The following TTLL3 variants were observed in gnomAD, a reference collection of about 807,000 sequenced individuals.
The protein encoded by TTLL3 is tubulin tyrosine ligase like 3.
In TTLL3, 63 loss-of-function variants were observed where a neutral mutation model predicts 75.2. The ratio of observed to expected loss-of-function variants is 0.84; its 90% CI spans 0.68 to 1.03. The LOEUF is 1.03. Ranked by LOEUF, TTLL3 falls within the 50% of genes least tolerant of loss-of-function variation. TTLL3 has a pLI of 0.00. For synonymous variants in TTLL3, 393 were observed against 418.5 expected, an observed-to-expected ratio of 0.94 and a Z score of 0.74; for missense variants, 997 against 1,069.9, an observed-to-expected ratio of 0.93 and a Z score of 0.95.
rs555793010 is a variant in TTLL3, at chr3:9,815,785, C to T, written c.316-289C>T. ...CACGCTGCCACCGCCTGGGGGCTGA[C>T]AAGCCTCATAGGACACCTTAAGCAG... is the stretch of plus-strand genomic sequence containing the variant. On this transcript the variant is annotated intron_variant, in intron 4 of 13. Transcript: ENST00000685419. Among the ~76,000 whole-genome samples the T allele has an allele frequency of 1.2e-4, 19 of 152,372 alleles. No homozygotes were observed. In the South Asian group the frequency reaches 3.9e-3, roughly 32 times the overall value.
chr3:9,815,032 G>A (rs1298438172), intron 4 of TTLL3, among the ~76,000 whole-genome samples: 2 of 151,994 alleles, frequency 1.3e-5, no homozygotes, highest in Admixed American at 1.3e-4. Context: ...GAGGTCAGGA[G>A]TTCGAGACCA....
intron 8 of TTLL3, among the ~76,000 whole-genome samples, chr3:9,822,756 TAATACATA>T (rs2080590461): frequency 2.1e-5 from 3 of 141,512 alleles, no homozygotes; most frequent in African/African-American, 7.8e-5. Context: ...ATAATATATA[TAATACATA>T]ATATATACAT....
rs767516147 is a variant in TTLL3, at chr3:9,818,850, C to T, written c.588C>T (p.Asn196=). The part of the protein sequence containing the change: ...IEDFWLTAAR[N]VLKLVVKSEW... ...ACTTCTGGCTGACTGCTGCCCGCAA[C>T]GTTCTCAAGCTGGTGGTGAAGTCTG... Residue 196 remains asparagine, a synonymous_variant, in exon 7 of 14, where the codon AAC becomes AAT. Coordinates refer to ENST00000685419, the MANE Select transcript of TTLL3 (RefSeq NM_001387446.1). 11 of 1,614,012 alleles carry T rather than the reference C, an allele frequency of 6.8e-6. No homozygotes were observed. Among genetic ancestry groups the T allele is most frequent in the South Asian group, 5.5e-5 (5 of 91,090 alleles).
At chr3:9,831,879 A>G (rs1348918672) in intron 11 of TTLL3, among the ~76,000 whole-genome samples, 5 of 148,172 alleles carry the variant, frequency 3.4e-5, no homozygotes, top group Admixed American at 2.7e-4. Context: ...GCTCACTGCA[A>G]CCTCCGCCTC....
In TTLL3 at chr3:9,835,294, A is replaced by C; in HGVS notation, c.2253A>C (p.Thr751=). 1 of 1,614,188 alleles carries C rather than the reference A, an allele frequency of 6.2e-7. No individual in the cohort carries two copies. The highest frequency in any genetic ancestry group is 8.5e-7 in the Non-Finnish European group (1 of 1,180,022). The change falls in exon 14 of 14, where the codon ACA becomes ACC. Residue 751 remains threonine (T), a synonymous_variant. Transcript: ENST00000685419. ...TGAAACCCCTGCCCCTTGTTGGTAC[A>C]TTCCAGAGGCGCAGGGGCCTGGGGG... ...SPLKPLPLVG[T]FQRRRGLGDM... is the part of the protein sequence containing the mutation.
intron 8 of TTLL3, among the ~76,000 whole-genome samples, chr3:9,825,012 A>C (rs561060343): frequency 6.6e-6 from 1 of 152,056 alleles, no homozygotes; most frequent in African/African-American, 2.4e-5. Context: ...AAGTGCTGGG[A>C]TTACAGGCAG....
chr3:9,815,567 AC>A (rs2079767244), intron 4 of TTLL3, among the ~76,000 whole-genome samples: 1 of 152,168 alleles, frequency 6.6e-6, no homozygotes, highest in Non-Finnish European at 1.5e-5. Flanking sequence ...GCTTGGAGTC[AC>A]TGTCCTGCCC....
Position 9,835,209 on chromosome 3 carries a change from C to T in TTLL3, c.2168C>T (p.Ser723Leu), listed in dbSNP as rs183827868. The T allele has an allele frequency of 1.2e-6, 2 of 1,614,106 alleles. No homozygotes were observed. The highest frequency in any genetic ancestry group is 2.7e-5 in the African/African-American group (2 of 74,934). The change falls in exon 14 of 14, where the codon TCA (serine) becomes TTA (leucine). Residue 723 changes from serine (S) to leucine (L), a missense_variant. By Grantham distance (145) the Ser-to-Leu change is moderately radical. Transcript: ENST00000685419. ...GGAAGGTCAAGGCCAAAGGCAAATT[C>T]AAGGCCAGACTGTGACAAACCCAGG... ...PVGRSRPKAN[S>L]RPDCDKPRAE...
chr3:9,830,081 G>A (rs2081381693), intron 11 of TTLL3, among the ~76,000 whole-genome samples: 1 of 152,158 alleles, frequency 6.6e-6, no homozygotes, highest in Admixed American at 6.5e-5. Flanking sequence ...GACCTCAGGT[G>A]ATCCGCCCAC....
chr3:9,835,701 G>A lies in TTLL3; in HGVS notation c.*212G>A, dbSNP rs1311764011. 4 of 527,510 alleles carry A rather than the reference G, an allele frequency of 7.6e-6. No individual in the cohort carries two copies. The Admixed American group carries it at 1.1e-4, about 15-fold the overall frequency. The allele number at this position is 527,510 out of a possible 1,614,324, so 32.7% of individuals were successfully genotyped here. On this transcript the variant is annotated 3_prime_UTR_variant, in exon 14 of 14. Coordinates refer to ENST00000685419, the MANE Select transcript of TTLL3 (RefSeq NM_001387446.1). Reference sequence around the variant, plus strand: ...GAGTCGACGCAGGGACATATTGCCAGAACTGCCGAGCACTGGGAGCCCCCC... The same window carrying A: ...GAGTCGACGCAGGGACATATTGCCAAAACTGCCGAGCACTGGGAGCCCCCC...
chr3:9,825,523 AG>A (rs1575397621), intron 8 of TTLL3: 3 of 498,400 alleles, frequency 6.0e-6, no homozygotes, highest in Non-Finnish European at 1.1e-5. Context: ...TGTAATAGGA[AG>A]GGGGTGGCAC....
chr3:9,834,813 A>T lies in TTLL3; in HGVS notation c.1958A>T (p.Lys653Met). 1 of 1,614,174 alleles carries T rather than the reference A, an allele frequency of 6.2e-7. No individual in the cohort carries two copies. Among genetic ancestry groups the T allele is most frequent in the East Asian group, 2.2e-5 (1 of 44,886 alleles). ...ACTAAGGCCCTGTCGACCACAGGCA[A>T]GGCCTTGAGGACTCTACCCACGGCT... ...VGTKALSTTG[K>M]ALRTLPTAKV... The change falls in exon 13 of 14, where the codon AAG (lysine) becomes ATG (methionine). Residue 653 changes from lysine to methionine, a missense_variant. Physicochemically the swap from Lys to Met is moderately conservative, Grantham distance 95. Transcript: ENST00000685419.
At chr3:9,829,889 C>T (rs889135499) in intron 11 of TTLL3, among the ~76,000 whole-genome samples, 1 of 152,170 alleles carries the variant, frequency 6.6e-6, no homozygotes, top group African/African-American at 2.4e-5. Context: ...GTTGCCCAGG[C>T]TGGAGTGCAG....
At chr3:9,834,965 T>C in intron 13 of TTLL3, 58 bp downstream of exon 13, 3 of 1,612,978 alleles carry the variant, frequency 1.9e-6, no homozygotes, top group Non-Finnish European at 2.5e-6. Flanking sequence ...GGGTCAGGGC[T>C]GGAGGGCACA....
rs2081976753 is a variant in TTLL3, at chr3:9,835,471, G to A, written c.2430G>A (p.Gly810=). The A allele has an allele frequency of 6.2e-7, 1 of 1,601,008 alleles. No homozygotes were observed. Among genetic ancestry groups the A allele is most frequent in the African/African-American group, 1.3e-5 (1 of 74,368 alleles). Reference sequence around the variant, plus strand: ...ATGGGGCGAGGCCGTGTACCCCAGGGTCCACAGCAAGAGCCTGAGGCCATC... The same window carrying A: ...ATGGGGCGAGGCCGTGTACCCCAGGATCCACAGCAAGAGCCTGAGGCCATC... ...RVDGARPCTP[G]STARA The change falls in exon 14 of 14, where the codon GGG becomes GGA. Residue 810 remains glycine (G), a synonymous_variant. Transcript: ENST00000685419.
At chr3:9,817,833 G>A in intron 6 of TTLL3, 74 bp downstream of exon 6, 1 of 1,591,146 alleles carries the variant, frequency 6.3e-7, no homozygotes, top group Non-Finnish European at 8.6e-7. Flanking sequence ...TCATATTGGA[G>A]AGAAACAGGC....
At chr3:9,815,926 C>A in intron 4 of TTLL3, 148 bp from the exon 5 acceptor site, 1 of 734,262 alleles carries the variant, frequency 1.4e-6, no homozygotes, top group Non-Finnish European at 1.9e-6. Context: ...TCTTGACTTA[C>A]ACAAAGATGA....
At position 9,824,141 on chromosome 3, in the gene TTLL3, G is replaced by A. The variant is rs143268360; in HGVS notation, c.855-1659G>A. 5.5e-4 allele frequency among the ~76,000 whole-genome samples: 84 copies of A among 152,316 alleles called. 1 individual carries two copies. The Middle Eastern group carries it at 0.017, about 31-fold the overall frequency. ...TACGGAGTTTACATTGTAGTTAGGG[G>A]ATTCAGACAATAACCAAATAAGCAC... is the stretch of plus-strand genomic sequence containing the variant. On this transcript the variant is annotated intron_variant, in intron 8 of 13. Coordinates refer to ENST00000685419, the MANE Select transcript of TTLL3 (RefSeq NM_001387446.1).
chr3:9,821,413 C>A (rs561308187), intron 8 of TTLL3, among the ~76,000 whole-genome samples: 3 of 152,252 alleles, frequency 2.0e-5, no homozygotes, highest in African/African-American at 7.2e-5. Flanking sequence ...GTGCCAGGTT[C>A]TGAAATGAAG....
Sources: allele counts gnomAD v4.1 joint callset (sites outside exome capture counted in the v4.1 genomes callset), GRCh38; gene constraint gnomAD v4.1.1; transcripts MANE v1.5; gene names NCBI Gene and HGNC (gene_info 2026-07-23, HGNC 2026-07-21).